The following NRXN1 variants were observed in gnomAD, a reference collection of about 807,000 sequenced individuals.
NRXN1 encodes the protein neurexin 1.
Under a neutral mutation model 150.9 loss-of-function variants are expected in NRXN1, and 39 were observed. The observed-to-expected ratio is 0.26, with a 90% CI of 0.20 to 0.34. The LOEUF is 0.34. Ranked by LOEUF, NRXN1 falls within the 10% of genes least tolerant of loss-of-function variation. The pLI, the probability that NRXN1 is intolerant of heterozygous loss-of-function variation, is 1.00. For missense variants in NRXN1, 1,815 were observed against 1,949.9 expected (o/e 0.93, Z 1.30); for synonymous variants, 924 against 757.0 (o/e 1.22, Z -3.62).
At chr2:50,245,499 G>A (rs1236142872) in intron 17 of NRXN1, among the ~76,000 whole-genome samples, 1 of 151,820 alleles carries the variant, frequency 6.6e-6, no homozygotes, top group Non-Finnish European at 1.5e-5. Context: ...TAAAGCTATA[G>A]GCAGCAGGGA....
intron 5 of NRXN1, chr2:50,898,704 G>A: frequency 2.8e-6 from 1 of 351,116 alleles, no homozygotes; most frequent in South Asian, 2.2e-5. Context: ...AATATAAAAA[G>A]CACATTTATA....
intron 5 of NRXN1, among the ~76,000 whole-genome samples, chr2:50,849,724 A>G (rs1044314016): frequency 6.6e-6 from 1 of 152,038 alleles, no homozygotes; most frequent in African/African-American, 2.4e-5. Context: ...TTCAGTAGCT[A>G]TTTCCTGTGT....
intron 2 of NRXN1, chr2:50,985,327 G>T (rs1008551679): frequency 6.6e-6 from 1 of 151,734 alleles, no homozygotes; most frequent in African/African-American, 2.4e-5. Flanking sequence ...TCCACTAAAA[G>T]AAAAATTTTC....
intron 5 of NRXN1, among the ~76,000 whole-genome samples, chr2:50,769,069 C>G (rs887237069): frequency 5.3e-5 from 8 of 152,076 alleles, no homozygotes; most frequent in Non-Finnish European, 1.0e-4. Flanking sequence ...TCAACAGTTA[C>G]AGAAAAACAT....
At chr2:50,431,984 C>G (rs6747128) in intron 17 of NRXN1, among the ~76,000 whole-genome samples, 1 of 152,060 alleles carries the variant, frequency 6.6e-6, no homozygotes, top group Admixed American at 6.5e-5. Context: ...GTAATCCTCA[C>G]CACTAAATAA....
At chr2:50,718,699 G>A (rs956753434) in intron 5 of NRXN1, among the ~76,000 whole-genome samples, 1 of 152,064 alleles carries the variant, frequency 6.6e-6, no homozygotes, top group African/African-American at 2.4e-5. Flanking sequence ...CAAGCCCTTT[G>A]TATGTGTATA....
At chr2:50,633,287 C>T (rs1458977542) in intron 5 of NRXN1, among the ~76,000 whole-genome samples, 2 of 152,000 alleles carry the variant, frequency 1.3e-5, no homozygotes, top group Admixed American at 6.6e-5. Context: ...GAAATATATA[C>T]TGCTAACTCA....
At chr2:50,900,366 A>G (rs1682734608) in intron 5 of NRXN1, among the ~76,000 whole-genome samples, 1 of 152,200 alleles carries the variant, frequency 6.6e-6, no homozygotes, top group South Asian at 2.1e-4. Context: ...CTTTAAGGAC[A>G]GTAGTTCTAG....
intron 18 of NRXN1, among the ~76,000 whole-genome samples, chr2:50,202,425 G>C (rs1236369102): frequency 6.6e-6 from 1 of 152,122 alleles, no homozygotes; most frequent in Non-Finnish European, 1.5e-5. Context: ...AGAATTGCTT[G>C]AACATGGGAG....
At chr2:50,739,831 G>C (rs952218540) in intron 5 of NRXN1, among the ~76,000 whole-genome samples, 1 of 152,080 alleles carries the variant, frequency 6.6e-6, no homozygotes, top group Admixed American at 6.6e-5. Flanking sequence ...ACATCAAAAG[G>C]AAATATGTGG....
chr2:50,966,268 A>T (rs1694055168), intron 2 of NRXN1, among the ~76,000 whole-genome samples: 1 of 151,398 alleles, frequency 6.6e-6, no homozygotes, highest in Admixed American at 6.6e-5. Flanking sequence ...GGTGCTGGAA[A>T]TTCTTAACAG....
At position 50,560,497 on chromosome 2, in the gene NRXN1, A is replaced by G. The variant is rs140411073; in HGVS notation, c.1321-7472T>C. 2.6e-3 allele frequency among the ~76,000 whole-genome samples: 400 copies of G among 151,632 alleles called. 2 individuals carry two copies. Among genetic ancestry groups the G allele is most frequent in the African/African-American group, 9.4e-3 (388 of 41,266 alleles). ...ACTCCGTCGCCCAGGCTGGAGTGCA[A>G]TAATGCAACTATGCAACCTCTGCTG... On this transcript the variant is annotated intron_variant, in intron 8 of 22. Transcript: ENST00000401669.
At chr2:50,987,758 T>C (rs1232723427) in intron 2 of NRXN1, among the ~76,000 whole-genome samples, 2 of 151,952 alleles carry the variant, frequency 1.3e-5, no homozygotes, top group African/African-American at 2.4e-5. Flanking sequence ...AATAATAACT[T>C]GGAATCTGGA....
intron 17 of NRXN1, among the ~76,000 whole-genome samples, chr2:50,401,032 C>T (rs2082357484): frequency 6.6e-6 from 1 of 151,896 alleles, no homozygotes; most frequent in South Asian, 2.1e-4. Flanking sequence ...ATATTGTGGA[C>T]CTTTTCTGAT....
intron 15 of NRXN1, among the ~76,000 whole-genome samples, chr2:50,476,287 T>G (rs948109481): frequency 2.0e-5 from 3 of 152,136 alleles, no homozygotes; most frequent in African/African-American, 7.2e-5. Context: ...GGTGATATCA[T>G]GAGTATCCAT....
intron 16 of NRXN1, among the ~76,000 whole-genome samples, chr2:50,470,002 A>T (rs2089302692): frequency 6.6e-6 from 1 of 151,270 alleles, no homozygotes; most frequent in Non-Finnish European, 1.5e-5. Flanking sequence ...CCGCCCACTC[A>T]CTCACATTAC....
At chr2:50,443,219 G>A (rs1394254851) in intron 17 of NRXN1, among the ~76,000 whole-genome samples, 1 of 152,086 alleles carries the variant, frequency 6.6e-6, no homozygotes, top group East Asian at 1.9e-4. Context: ...ATTCAAGGGG[G>A]GGAGAGAAAT....
At chr2:50,520,698 A>C (rs933358711) in intron 12 of NRXN1, among the ~76,000 whole-genome samples, 1 of 151,956 alleles carries the variant, frequency 6.6e-6, no homozygotes, top group Non-Finnish European at 1.5e-5. Context: ...TATTATTTTT[A>C]GCAGTATAAA....
intron 8 of NRXN1, among the ~76,000 whole-genome samples, chr2:50,608,983 C>T (rs1677586114): frequency 6.6e-6 from 1 of 152,036 alleles, no homozygotes; most frequent in South Asian, 2.1e-4. Flanking sequence ...TTTATCTCTA[C>T]CAATTTTTGA....
Sources: gnomAD v4.1 joint callset for allele counts (sites outside exome capture counted in the v4.1 genomes callset) on GRCh38, gnomAD v4.1.1 for gene constraint, MANE v1.5 for transcripts, NCBI Gene and HGNC (gene_info 2026-07-23, HGNC 2026-07-21) for gene names.